The following ACOT12 variants were observed in gnomAD, a reference collection of about 807,000 sequenced individuals.
ACOT12 encodes acyl-CoA thioesterase 12, also known as acetyl-coenzyme A thioesterase.
ACOT12 carries 51 observed loss-of-function variants against 67.7 expected under a neutral mutation model. That is an observed-to-expected ratio of 0.75 (90% CI 0.60 to 0.95). The LOEUF (loss-of-function observed/expected upper bound fraction) is 0.95, where lower values mean the gene tolerates loss of function less well. Among genes scored for constraint, ACOT12 ranks in the 40% least tolerant of loss-of-function variants. The pLI, the probability that ACOT12 is intolerant of heterozygous loss-of-function variation, is 0.00. For synonymous variants in ACOT12, 251 were observed against 244.6 expected (o/e 1.03, Z -0.24); for missense variants, 734 against 708.1 (o/e 1.04, Z -0.41).
chr5:81,334,795 T>A (rs1045787921), intron 12 of ACOT12, among the ~76,000 whole-genome samples: 1 of 152,156 alleles, frequency 6.6e-6, no homozygotes, highest in Non-Finnish European at 1.5e-5. Context: ...GTGCAGCTGG[T>A]CTCTGTCAGT....
Position 81,344,999 on chromosome 5 carries a change from TTCCTGACAGTCAAAG to T in ACOT12, c.801_815del (p.Phe268_Glu272del), listed in dbSNP as rs773516998. ...TGTGACGCCCTCGGCCCTCGGCCCA[TTCCTGACAGTCAAAG>T]GCCTCCACGCGAACTCCAACTTCAA... is the stretch of plus-strand genomic sequence containing the variant. On this transcript the variant is annotated inframe_deletion, in exon 8 of 15. Transcript: ENST00000307624. The T allele has an allele frequency of 4.4e-5, 71 of 1,614,076 alleles. No homozygotes were observed. Among genetic ancestry groups the T allele is most frequent in the Admixed American group, 6.7e-5 (4 of 60,004 alleles).
intron 11 of ACOT12, among the ~76,000 whole-genome samples, chr5:81,339,417 C>A (rs1468441067): frequency 6.6e-6 from 1 of 152,206 alleles, no homozygotes; most frequent in African/African-American, 2.4e-5. Flanking sequence ...CCCAGTACAT[C>A]CCCAGGTCTT....
At chr5:81,336,190 C>T (rs946916219) in intron 11 of ACOT12, among the ~76,000 whole-genome samples, 9 of 151,964 alleles carry the variant, frequency 5.9e-5, no homozygotes, top group Admixed American at 2.0e-4. Context: ...AAACCTAGGC[C>T]TTTCTCTCCT....
Position 81,347,895 on chromosome 5 carries a change from T to G in ACOT12, c.532A>C (p.Thr178Pro). Residue 178 changes from threonine to proline, a missense_variant, in exon 6 of 15, where the codon ACA (threonine) becomes CCA (proline). By Grantham distance (38) the Thr-to-Pro change is conservative. Transcript: ENST00000307624. ...ATGCTCTGAACGGAGGTGCCCCTTGTGGAAACCGCTCCTTCCTCTTCATCA... is the reference window on the plus strand; with the variant it reads ...ATGCTCTGAACGGAGGTGCCCCTTGGGGAAACCGCTCCTTCCTCTTCATCA... ...IFDEEEGAVSTRGTSVQSIEL... is the reference protein window; with the variant it reads ...IFDEEEGAVSPRGTSVQSIEL... 1 of 1,613,984 alleles carries G rather than the reference T, an allele frequency of 6.2e-7. No homozygotes were observed. The highest frequency in any genetic ancestry group is 8.5e-7 in the Non-Finnish European group (1 of 1,179,966).
Position 81,343,896 on chromosome 5 carries a change from T to G in ACOT12, c.981-15A>C. The G allele has an allele frequency of 6.2e-7, 1 of 1,608,760 alleles. No homozygotes were observed. Among genetic ancestry groups the G allele is most frequent in the Non-Finnish European group, 8.5e-7 (1 of 1,176,234 alleles). On this transcript the variant is annotated splice_polypyrimidine_tract_variant and intron_variant, in intron 9 of 14. Coordinates refer to ENST00000307624, the MANE Select transcript of ACOT12 (RefSeq NM_130767.3). ...TAACATATTTTCTGGAAAAAAAAAT[T>G]AAAGTGTTAAATGACAGTTTTTTTC...
At chr5:81,390,518 A>T (rs955440952) in intron 1 of ACOT12, among the ~76,000 whole-genome samples, 3 of 150,530 alleles carry the variant, frequency 2.0e-5, no homozygotes, top group African/African-American at 7.3e-5. Context: ...TTTGAGATGG[A>T]GTCTCATTCT....
rs1760260482 is a variant in ACOT12 at position 81,371,749 on chromosome 5, C to T, written c.258+1G>A. 3.1e-6 allele frequency: 5 copies of T among 1,613,810 alleles called. 1 individual carries two copies. The African/African-American group carries it at 5.3e-5, about 17-fold the overall frequency. ...CAGATGTTTGAAAAGGTGCCTCTTA[C>T]CTCCATGCTTGTGCTGAATGCTCTA... On this transcript the variant is annotated splice_donor_variant, in intron 3 of 14. Coordinates refer to ENST00000307624, the MANE Select transcript of ACOT12 (RefSeq NM_130767.3). LOFTEE classifies it high-confidence loss of function.
intron 6 of ACOT12, among the ~76,000 whole-genome samples, chr5:81,346,639 A>C (rs528747635): frequency 6.6e-6 from 1 of 152,310 alleles, no homozygotes; most frequent in East Asian, 1.9e-4. Context: ...ACTCTGTGCC[A>C]ACACCAAGCG....
At chr5:81,357,476 A>G (rs1759752532) in intron 5 of ACOT12, among the ~76,000 whole-genome samples, 2 of 151,794 alleles carry the variant, frequency 1.3e-5, no homozygotes, top group Non-Finnish European at 2.9e-5. Context: ...ATGACTATCA[A>G]TGATTTTATC....
intron 5 of ACOT12, among the ~76,000 whole-genome samples, chr5:81,359,655 TG>T (rs923184539): frequency 6.6e-6 from 1 of 152,206 alleles, no homozygotes; most frequent in Non-Finnish European, 1.5e-5. Context: ...AATGACTGCC[TG>T]GTCCCTGTCA....
At chr5:81,392,097 G>C (rs1248599147) in intron 1 of ACOT12, among the ~76,000 whole-genome samples, 1 of 152,198 alleles carries the variant, frequency 6.6e-6, no homozygotes, top group East Asian at 1.9e-4. Flanking sequence ...TAAGGATAGT[G>C]AGAATATTTC....
At chr5:81,383,708 T>C (rs1290681760) in intron 2 of ACOT12, among the ~76,000 whole-genome samples, 3 of 151,756 alleles carry the variant, frequency 2.0e-5, no homozygotes, top group African/African-American at 2.4e-5. Flanking sequence ...GTTTGTGTCA[T>C]TGTGTTTAAT....
chr5:81,337,090 C>T (rs1460999081), intron 11 of ACOT12, among the ~76,000 whole-genome samples: 1 of 152,190 alleles, frequency 6.6e-6, no homozygotes, highest in Non-Finnish European at 1.5e-5. Flanking sequence ...TTAGCATGGG[C>T]ATGCCTAACT....
chr5:81,351,334 A>G (rs1368630566), intron 5 of ACOT12, among the ~76,000 whole-genome samples: 2 of 152,216 alleles, frequency 1.3e-5, no homozygotes, highest in Admixed American at 6.5e-5. Context: ...AAATTAATAC[A>G]ATTATCTGAC....
At position 81,359,903 on chromosome 5, in the gene ACOT12, C is replaced by T. The variant is rs753382440; in HGVS notation, c.496G>A (p.Asp166Asn). ...AATTCTTATAAGTGGATTTACTGAC[C>T]ATCAAATTTGCTACTTTCCTTCATT... ...NLMKESSKFD[D>N]LIFDEEEGAV... The change falls in exon 5 of 15, where the codon GAT becomes AAT. Residue 166 changes from aspartate to asparagine, a missense_variant and splice_region_variant. By Grantham distance (23) the Asp-to-Asn change is conservative. Transcript: ENST00000307624. 10 of 1,603,256 alleles carry T rather than the reference C, an allele frequency of 6.2e-6. No individual in the cohort carries two copies. The East Asian group carries it at 1.8e-4, about 29-fold the overall frequency.
intron 3 of ACOT12, among the ~76,000 whole-genome samples, chr5:81,370,763 C>T (rs2153856086): frequency 6.6e-6 from 1 of 152,278 alleles, no homozygotes; most frequent in South Asian, 2.1e-4. Flanking sequence ...TTAGGCCACC[C>T]AGTCTGTGGT....
In ACOT12 at chr5:81,330,501, A is replaced by G. The variant is rs1045405347; in HGVS notation, c.1561T>C (p.Phe521Leu). Residue 521 changes from phenylalanine (F) to leucine (L), a missense_variant, in exon 15 of 15, where the codon TTT becomes CTT. By Grantham distance (22) the Phe-to-Leu change is conservative (BLOSUM62 0). Coordinates refer to ENST00000307624, the MANE Select transcript of ACOT12 (RefSeq NM_130767.3). ...GACCAGCCACCAAGATTTCCAGCAA[A>G]GTAAGGAAGGATGCTAGCAGACATA... ...NHMSASILPYFAGNLGGWSKS... is the reference protein window; with the variant it reads ...NHMSASILPYLAGNLGGWSKS... The G allele has an allele frequency of 1.2e-6, 2 of 1,614,162 alleles. No individual in the cohort carries two copies. Among genetic ancestry groups the G allele is most frequent in the Non-Finnish European group, 1.7e-6 (2 of 1,180,004 alleles).
intron 3 of ACOT12, among the ~76,000 whole-genome samples, chr5:81,365,365 T>C (rs1374919625): frequency 6.6e-5 from 10 of 152,214 alleles, no homozygotes; most frequent in Admixed American, 4.6e-4. Context: ...AAATCCTAAA[T>C]TAACTAGATG....
intron 1 of ACOT12, among the ~76,000 whole-genome samples, chr5:81,388,860 C>A (rs145695462): frequency 2.6e-5 from 4 of 152,078 alleles, no homozygotes; most frequent in Non-Finnish European, 4.4e-5. Flanking sequence ...ATAAGCCTCA[C>A]GAGATGTGAT....
Sources: allele counts gnomAD v4.1 joint callset (sites outside exome capture counted in the v4.1 genomes callset), GRCh38; gene constraint gnomAD v4.1.1; transcripts MANE v1.5; gene names NCBI Gene and HGNC (gene_info 2026-07-23, HGNC 2026-07-21).